Variants in PCNX2 observed in about 807,000 individuals in gnomAD.
PCNX2 encodes pecanex-like protein 2.
PCNX2 carries 168 observed loss-of-function variants against 223.8 expected under a neutral mutation model. The ratio of observed to expected loss-of-function variants is 0.75; its 90% CI spans 0.66 to 0.85. The LOEUF (loss-of-function observed/expected upper bound fraction) is 0.85, where lower values mean the gene tolerates loss of function less well. Ranked by LOEUF, PCNX2 falls within the 40% of genes least tolerant of loss-of-function variation. The pLI, the probability that PCNX2 is intolerant of heterozygous loss-of-function variation, is 0.00. For missense variants in PCNX2, 2,507 were observed against 2,675.5 expected (o/e 0.94, Z 1.39); for synonymous variants, 1,006 against 1,052.6 (o/e 0.96, Z 0.86).
chr1:233,256,811 T>C (rs1659758635), intron 5 of PCNX2, among the ~76,000 whole-genome samples: 1 of 152,200 alleles, frequency 6.6e-6, no homozygotes, highest in African/African-American at 2.4e-5. Flanking sequence ...CCGCCCTGTC[T>C]GTTAAAAAGT....
At chr1:232,987,454 C>T (rs1179406630) in intron 32 of PCNX2, among the ~76,000 whole-genome samples, 1 of 152,198 alleles carries the variant, frequency 6.6e-6, no homozygotes, top group Non-Finnish European at 1.5e-5. Context: ...TGCAAAATAT[C>T]ATTTTGATGG....
chr1:233,204,618 C>T (rs1200617737), intron 13 of PCNX2, among the ~76,000 whole-genome samples: 1 of 152,212 alleles, frequency 6.6e-6, no homozygotes, highest in African/African-American at 2.4e-5. Context: ...TGTGTTCCCA[C>T]GTAAAGTCAG....
rs574482698 is a variant in PCNX2 at position 233,241,983 on chromosome 1, C to T, written c.2223-5003G>A. On this transcript the variant is annotated intron_variant, in intron 8 of 33. Transcript: ENST00000258229. ...TTTGGGAACCAGGTAGATAATTAAA[C>T]ATTGTGGCTTTAGAGGACTTTCCTG... Among the ~76,000 whole-genome samples the T allele has an allele frequency of 2.6e-4, 39 of 152,202 alleles. No individual in the cohort carries two copies. In the South Asian group the frequency reaches 8.1e-3, roughly 32 times the overall value.
intron 10 of PCNX2, among the ~76,000 whole-genome samples, chr1:233,218,490 T>A (rs912261451): frequency 6.6e-5 from 10 of 152,116 alleles, no homozygotes; most frequent in African/African-American, 2.2e-4. Context: ...GACCTCATGA[T>A]CTGCCCTCCT....
At chr1:233,198,766 G>C (rs758363221) in intron 15 of PCNX2, among the ~76,000 whole-genome samples, 173 bp downstream of exon 15, 33 of 152,156 alleles carry the variant, frequency 2.2e-4, no homozygotes, top group Non-Finnish European at 4.3e-4. Flanking sequence ...GGCCAACCAG[G>C]CATCCTGACC....
chr1:233,037,170 A>G (rs1458350395), intron 25 of PCNX2, among the ~76,000 whole-genome samples: 1 of 152,246 alleles, frequency 6.6e-6, no homozygotes, highest in Non-Finnish European at 1.5e-5. Context: ...TGCTAATAGT[A>G]TAGTTACATG....
chr1:233,177,191 C>T (rs1425121878), intron 17 of PCNX2, among the ~76,000 whole-genome samples: 2 of 152,222 alleles, frequency 1.3e-5, no homozygotes, highest in Non-Finnish European at 2.9e-5. Context: ...AATCAATGTA[C>T]TTTATGTTCT....
intron 19 of PCNX2, among the ~76,000 whole-genome samples, chr1:233,144,741 T>C (rs944936463): frequency 2.6e-5 from 4 of 152,290 alleles, no homozygotes; most frequent in Admixed American, 2.0e-4. Context: ...ATATGTCTTT[T>C]CCTTATTGAT....
intron 26 of PCNX2, among the ~76,000 whole-genome samples, chr1:233,018,512 T>A (rs1670763854): frequency 6.6e-6 from 1 of 152,196 alleles, no homozygotes; most frequent in Admixed American, 6.5e-5. Context: ...TTGATTATTA[T>A]GAGTAACAGC....
intron 32 of PCNX2, among the ~76,000 whole-genome samples, chr1:232,997,764 C>A (rs553054996): frequency 6.6e-6 from 1 of 152,322 alleles, no homozygotes; most frequent in African/African-American, 2.4e-5. Flanking sequence ...TCTGTGGGCA[C>A]CCTTTCTGCC....
chr1:233,117,247 G>T (rs1465137352), intron 21 of PCNX2, among the ~76,000 whole-genome samples: 1 of 152,120 alleles, frequency 6.6e-6, no homozygotes, highest in Non-Finnish European at 1.5e-5. Flanking sequence ...AATCTCTCCA[G>T]AAAATAGGAG....
intron 1 of PCNX2, among the ~76,000 whole-genome samples, chr1:233,294,646 T>C (rs993433087): frequency 1.5e-4 from 23 of 152,176 alleles, no homozygotes; most frequent in Non-Finnish European, 3.2e-4. Context: ...ACCATTGTTT[T>C]AATTACGTAT....
chr1:233,245,604 T>C (rs1572143647), intron 8 of PCNX2, among the ~76,000 whole-genome samples: 1 of 152,068 alleles, frequency 6.6e-6, no homozygotes, highest in East Asian at 1.9e-4. Flanking sequence ...CAACCTGTGG[T>C]CTGTGGTGTT....
At chr1:233,128,955 G>C (rs1361625280) in intron 21 of PCNX2, among the ~76,000 whole-genome samples, 1 of 152,226 alleles carries the variant, frequency 6.6e-6, no homozygotes, top group Non-Finnish European at 1.5e-5. Context: ...CCTCCTGAGA[G>C]GTGACAGTGT....
chr1:233,013,203 T>C (rs1289895689), intron 28 of PCNX2, among the ~76,000 whole-genome samples: 1 of 152,228 alleles, frequency 6.6e-6, no homozygotes, highest in Non-Finnish European at 1.5e-5. Flanking sequence ...GGTCAGAGTT[T>C]TGGTATTTCT....
upstream of PCNX2, among the ~76,000 whole-genome samples, chr1:233,297,529 A>G (rs1242620899): frequency 6.6e-6 from 1 of 152,176 alleles, no homozygotes; most frequent in Non-Finnish European, 1.5e-5. Context: ...GCACCAGGGA[A>G]CTGGGTCTTA....
intron 23 of PCNX2, among the ~76,000 whole-genome samples, chr1:233,064,723 C>A (rs1320128996): frequency 6.6e-6 from 1 of 152,100 alleles, no homozygotes; most frequent in African/African-American, 2.4e-5. Context: ...TATGCTCAAA[C>A]ATGTATCTAG....
Position 233,225,153 on chromosome 1 carries a change from T to C in PCNX2, c.2504+2073A>G, listed in dbSNP as rs140198267. ...AAAAAAAAAAATGTTATGTTACCTA[T>C]GAACTAACAGTCTAAATTTTAGTGT... On this transcript the variant is annotated intron_variant, in intron 10 of 33. Transcript: ENST00000258229. Among the ~76,000 whole-genome samples the C allele has an allele frequency of 1.9e-4, 28 of 148,714 alleles. No homozygotes were observed. In the East Asian group the frequency reaches 5.5e-3, roughly 29 times the overall value.
intron 17 of PCNX2, among the ~76,000 whole-genome samples, chr1:233,164,386 C>A (rs1024922583): frequency 6.6e-6 from 1 of 151,996 alleles, no homozygotes; most frequent in Non-Finnish European, 1.5e-5. Flanking sequence ...GGGGAGTTTC[C>A]TCAAAAAATT....
Sources: allele counts gnomAD v4.1 joint callset (sites outside exome capture counted in the v4.1 genomes callset), GRCh38; gene constraint gnomAD v4.1.1; transcripts MANE v1.5; gene names NCBI Gene and HGNC (gene_info 2026-07-23, HGNC 2026-07-21).